SLC12A2: variants seen among roughly 807,000 people sequenced by gnomAD.
SLC12A2 encodes the protein solute carrier family 12 member 2.
In SLC12A2, 67 loss-of-function variants were observed where a neutral mutation model predicts 136.3. That is an observed-to-expected ratio of 0.49 (90% confidence interval 0.40 to 0.60). The LOEUF is 0.60. SLC12A2 is among the 20% of genes least tolerant of loss of function. SLC12A2 has a pLI of 0.00. For synonymous variants in SLC12A2, 619 were observed against 562.9 expected, an observed-to-expected ratio of 1.10 and a Z score of -1.41; for missense variants, 1,322 against 1,534.7, an observed-to-expected ratio of 0.86 and a Z score of 2.32.
intron 1 of SLC12A2, among the ~76,000 whole-genome samples, chr5:128,107,619 A>G (rs1243855120): frequency 1.3e-5 from 2 of 152,220 alleles, no homozygotes; most frequent in Non-Finnish European, 2.9e-5. Context: ...AAAGGACATG[A>G]ACTCATCCTT....
At chr5:128,127,040 T>C (rs1761837659) in intron 4 of SLC12A2, among the ~76,000 whole-genome samples, 1 of 137,792 alleles carries the variant, frequency 7.3e-6, no homozygotes, top group Admixed American at 7.7e-5. Flanking sequence ...GTCAGAGATA[T>C]TATCGTTTCT....
intron 1 of SLC12A2, among the ~76,000 whole-genome samples, chr5:128,085,265 C>G (rs916571039): frequency 2.0e-5 from 3 of 151,572 alleles, no homozygotes; most frequent in African/African-American, 7.3e-5. Flanking sequence ...TCATAGAGAT[C>G]TTGTCTTGGG....
intron 22 of SLC12A2, 75 bp downstream of exon 22, chr5:128,178,764 CTT>C (rs531925711): frequency 1.5e-4 from 177 of 1,152,202 alleles, no homozygotes; most frequent in Non-Finnish European, 2.0e-4. Context: ...GACATGCACT[CTT>C]TACCTGTGGA....
intron 1 of SLC12A2, chr5:128,110,232 C>G: frequency 6.2e-6 from 5 of 806,910 alleles, no homozygotes; most frequent in Non-Finnish European, 6.8e-6. Context: ...AAATCCAATT[C>G]AAACATCCAT....
chr5:128,094,041 C>T (rs897701216), intron 1 of SLC12A2, among the ~76,000 whole-genome samples: 2 of 151,986 alleles, frequency 1.3e-5, no homozygotes, highest in African/African-American at 2.4e-5. Context: ...TTTAAGATTT[C>T]ACCTCAGTCC....
At chr5:128,154,162 A>G (rs1294103548) in intron 15 of SLC12A2, among the ~76,000 whole-genome samples, 1 of 152,106 alleles carries the variant, frequency 6.6e-6, no homozygotes, top group Admixed American at 6.5e-5. Context: ...CTGCAATCCC[A>G]TCACTTTGGG....
chr5:128,117,586 A>G (rs541618574), intron 4 of SLC12A2, among the ~76,000 whole-genome samples: 1 of 152,354 alleles, frequency 6.6e-6, no homozygotes, highest in Non-Finnish European at 1.5e-5. Flanking sequence ...GTATGGTTCA[A>G]AGACTTAAAT....
At chr5:128,152,897 T>C in intron 15 of SLC12A2, 92 bp downstream of exon 15, 1 of 808,104 alleles carries the variant, frequency 1.2e-6, no homozygotes, top group Non-Finnish European at 2.2e-6. Context: ...ACATTTCACA[T>C]TTTTAATCGG....
At chr5:128,110,945 A>G in intron 1 of SLC12A2, 1 of 836,056 alleles carries the variant, frequency 1.2e-6, no homozygotes, top group East Asian at 2.4e-5. Flanking sequence ...CAGACTGAGA[A>G]TGACCTCTTC....
At chr5:128,139,285 A>G (rs1467545476) in intron 9 of SLC12A2, among the ~76,000 whole-genome samples, 2 of 150,404 alleles carry the variant, frequency 1.3e-5, no homozygotes, top group African/African-American at 2.4e-5. Context: ...TTTTTTTTTT[A>G]CAGTATATGA....
At chr5:128,098,515 T>C (rs907175425) in intron 1 of SLC12A2, among the ~76,000 whole-genome samples, 3 of 151,788 alleles carry the variant, frequency 2.0e-5, no homozygotes, top group African/African-American at 4.8e-5. Context: ...CTTGAGTGTG[T>C]GTTACATTTT....
At chr5:128,173,844 G>A (rs1352294723) in intron 19 of SLC12A2, among the ~76,000 whole-genome samples, 1 of 152,026 alleles carries the variant, frequency 6.6e-6, no homozygotes, top group Non-Finnish European at 1.5e-5. Context: ...TTTGTATGGT[G>A]GAAACTAAAT....
chr5:128,117,446 G>T (rs1373360669), intron 4 of SLC12A2, among the ~76,000 whole-genome samples: 1 of 152,126 alleles, frequency 6.6e-6, no homozygotes, highest in Non-Finnish European at 1.5e-5. Flanking sequence ...AATAAATAGT[G>T]TTGAATCAAA....
intron 10 of SLC12A2, among the ~76,000 whole-genome samples, chr5:128,143,697 T>A (rs1053371385): frequency 2.0e-5 from 3 of 150,960 alleles, no homozygotes; most frequent in Non-Finnish European, 3.0e-5. Context: ...AAATATTCTA[T>A]TGTAAATTTA....
In SLC12A2 at chr5:128,180,955, T is replaced by C; in HGVS notation, c.3173T>C (p.Ile1058Thr). 1.2e-6 allele frequency: 2 copies of C among 1,612,472 alleles called. No individual in the cohort carries two copies. The highest frequency in any genetic ancestry group is 1.7e-6 in the Non-Finnish European group (2 of 1,178,660). Residue 1058 changes from isoleucine to threonine, a missense_variant, in exon 23 of 27, where the codon ATT becomes ACT. This residue lies in a region of SLC12A2 where 172 missense variants were observed against 227.4 expected (regional missense o/e 0.76). Coordinates refer to ENST00000262461, the MANE Select transcript of SLC12A2 (RefSeq NM_001046.3). The stretch of plus-strand genomic sequence containing the variant: ...AAAGACTGTAAGATCAGAGTATTCA[T>C]TGGTGGAAAGATAAACAGAATAGAC... ...KWKDCKIRVF[I>T]GGKINRIDHD... is the part of the protein sequence containing the mutation.
intron 13 of SLC12A2, among the ~76,000 whole-genome samples, chr5:128,150,744 G>T (rs182671069): frequency 1.7e-3 from 257 of 151,882 alleles, no homozygotes; most frequent in African/African-American, 5.7e-3. Flanking sequence ...TAAATGGGAA[G>T]ATATGTGTTT....
At chr5:128,106,353 A>G (rs1760938364) in intron 1 of SLC12A2, among the ~76,000 whole-genome samples, 1 of 152,098 alleles carries the variant, frequency 6.6e-6, no homozygotes, top group Non-Finnish European at 1.5e-5. Flanking sequence ...CTCCTTGATT[A>G]TACAGTTTTT....
intron 9 of SLC12A2, among the ~76,000 whole-genome samples, chr5:128,140,166 T>A (rs1229783632): frequency 6.6e-6 from 1 of 152,004 alleles, no homozygotes; most frequent in Non-Finnish European, 1.5e-5. Flanking sequence ...ACCTGGCTAA[T>A]TTTTGTATTT....
intron 24 of SLC12A2, 54 bp from the exon 25 acceptor site, chr5:128,184,312 T>G (rs1763799618): frequency 1.7e-6 from 2 of 1,146,930 alleles, no homozygotes; most frequent in Non-Finnish European, 2.4e-6. Context: ...AAGATCTTCC[T>G]GTTATGTAAC....
Sources: gnomAD v4.1 joint callset for allele counts (sites outside exome capture counted in the v4.1 genomes callset) on GRCh38, gnomAD v4.1.1 for gene constraint, gnomAD v4.1.1 regional missense constraint, MANE v1.5 for transcripts, NCBI Gene and HGNC (gene_info 2026-07-23, HGNC 2026-07-21) for gene names.